RAB30: variants seen among roughly 807,000 people sequenced by gnomAD.
The protein encoded by RAB30 is RAB30, member RAS oncogene family, also known as ras-related protein Rab-30.
RAB30 carries 9 observed loss-of-function variants against 25.1 expected under a neutral mutation model. The observed-to-expected ratio is 0.36, with a 90% CI of 0.22 to 0.63. The LOEUF (loss-of-function observed/expected upper bound fraction) is 0.63. RAB30 is among the 20% of genes least tolerant of loss of function. The pLI is 0.69. For synonymous variants in RAB30, 77 were observed against 86.4 expected, an observed-to-expected ratio of 0.89 and a Z score of 0.60; for missense variants, 140 against 243.5, an observed-to-expected ratio of 0.58 and a Z score of 2.83.
In RAB30 at chr11:82,982,228, T is replaced by A. The variant is rs747598336; in HGVS notation, c.549A>T (p.Val183=). The change falls in exon 5 of 5, where the codon GTA becomes GTT. Residue 183 remains valine (V), a synonymous_variant. Coordinates refer to ENST00000527633, the MANE Select transcript of RAB30 (RefSeq NM_001286060.2). ...EARQNTLVNN[V]SSPLPGEGKS... ...TCCCTTCTCCAGGTAAGGGTGAGGA[T>A]ACATTGTTCACAAGTGTGTTCTGTC... 16 of 1,614,244 alleles carry A rather than the reference T, an allele frequency of 9.9e-6. No homozygotes were observed. Among genetic ancestry groups the A allele is most frequent in the Non-Finnish European group, 1.4e-5 (16 of 1,180,034 alleles).
intron 1 of RAB30, among the ~76,000 whole-genome samples, chr11:83,067,602 AG>A (rs1308262933): frequency 6.6e-6 from 1 of 152,164 alleles, no homozygotes; most frequent in African/African-American, 2.4e-5. Context: ...CGTCATCCCC[AG>A]TTGCTCAAGA....
chr11:83,041,619 T>C (rs755437038), intron 1 of RAB30: 1 of 155,278 alleles, frequency 6.4e-6, no homozygotes, highest in Non-Finnish European at 1.5e-5. Context: ...CTTACTGAGA[T>C]GTTGGTTACG....
chr11:83,062,216 G>A (rs1345358349), intron 1 of RAB30, among the ~76,000 whole-genome samples: 1 of 152,082 alleles, frequency 6.6e-6, no homozygotes, highest in Admixed American at 6.6e-5. Context: ...AACAAAACAA[G>A]TTTACTTAAC....
In RAB30 at chr11:82,980,032, G is replaced by A. The variant is rs1246033388; in HGVS notation, c.*2133C>T. The A allele has an allele frequency of 6.6e-5, 10 of 152,176 alleles. No individual in the cohort carries two copies. Among genetic ancestry groups the A allele is most frequent in the Admixed American group, 6.5e-4 (10 of 15,276 alleles). The allele number at this position is 152,176 out of a possible 1,614,324, so 9.4% of individuals were successfully genotyped here. The stretch of plus-strand genomic sequence containing the variant: ...ACACTTGCAACTGTGAGACAAAGTT[G>A]GGTCATCATGTGCTGGGGACACTGG... On this transcript the variant is annotated 3_prime_UTR_variant, in exon 5 of 5. Transcript: ENST00000527633.
chr11:83,033,554 C>T (rs1857923110), intron 1 of RAB30, among the ~76,000 whole-genome samples: 1 of 152,190 alleles, frequency 6.6e-6, no homozygotes, highest in Admixed American at 6.5e-5. Flanking sequence ...CACTTAATCC[C>T]TACAACCACA....
At chr11:83,014,684 AAGAAAGAAAG>A (rs1235227521) in intron 1 of RAB30, among the ~76,000 whole-genome samples, 32 of 141,096 alleles carry the variant, frequency 2.3e-4, no homozygotes, top group Admixed American at 5.6e-4. Context: ...GAAAGAAAGA[AAGAAAGAAAG>A]AGAAAGGAAG....
chr11:83,043,862 C>G (rs1858181475), intron 1 of RAB30, among the ~76,000 whole-genome samples: 2 of 152,138 alleles, frequency 1.3e-5, no homozygotes, highest in South Asian at 4.1e-4. Context: ...CATCTCCCAC[C>G]CCCTGACCCT....
intron 1 of RAB30, chr11:83,071,258 T>A (rs1858836892): frequency 6.6e-6 from 1 of 152,212 alleles, no homozygotes; most frequent in South Asian, 2.1e-4. Context: ...GACATTCAAA[T>A]GTTCTAAAGT....
At chr11:83,050,357 G>A (rs1183498036) in intron 1 of RAB30, among the ~76,000 whole-genome samples, 1 of 152,210 alleles carries the variant, frequency 6.6e-6, no homozygotes, top group East Asian at 1.9e-4. Context: ...TACCCACACT[G>A]TAAGAACCTT....
intron 1 of RAB30, among the ~76,000 whole-genome samples, chr11:83,052,701 T>C (rs756995762): frequency 2.6e-5 from 4 of 152,212 alleles, no homozygotes; most frequent in African/African-American, 4.8e-5. Context: ...CTTAATCTTA[T>C]AGTTCAAGGC....
At chr11:83,003,562 A>G (rs1857130192) in intron 1 of RAB30, among the ~76,000 whole-genome samples, 1 of 152,050 alleles carries the variant, frequency 6.6e-6, no homozygotes, top group African/African-American at 2.4e-5. Context: ...AGCTGGGATT[A>G]CAGGCATGCA....
chr11:83,011,553 A>G (rs1857304543), intron 1 of RAB30, among the ~76,000 whole-genome samples: 1 of 152,242 alleles, frequency 6.6e-6, no homozygotes, highest in Admixed American at 6.5e-5. Context: ...AGTACTGTGT[A>G]TTAAAGCTGG....
At chr11:83,052,496 T>C (rs1371273275) in intron 1 of RAB30, among the ~76,000 whole-genome samples, 1 of 152,224 alleles carries the variant, frequency 6.6e-6, no homozygotes, top group Non-Finnish European at 1.5e-5. Context: ...TGGAAGCTAG[T>C]TTTCCATGTT....
chr11:82,985,843 C>G (rs7940718), intron 4 of RAB30, among the ~76,000 whole-genome samples: 86,818 of 151,492 alleles, frequency 0.57, 25,446 homozygotes, highest in African/African-American at 0.72. Context: ...TCCTGAGTAG[C>G]TGGGACCACA....
intron 1 of RAB30, among the ~76,000 whole-genome samples, chr11:83,018,058 T>C (rs1857478434): frequency 6.6e-6 from 1 of 152,110 alleles, no homozygotes; most frequent in South Asian, 2.1e-4. Context: ...CCCAGAACTT[T>C]GGGAGGCCAA....
At chr11:83,034,039 C>T (rs1386494871) in intron 1 of RAB30, 1 of 152,272 alleles carries the variant, frequency 6.6e-6, no homozygotes, top group African/African-American at 2.4e-5. Flanking sequence ...TCTCTGCAAC[C>T]CATTCCCAGC....
chr11:83,015,171 A>G (rs1269537747), intron 1 of RAB30, among the ~76,000 whole-genome samples: 1 of 152,176 alleles, frequency 6.6e-6, no homozygotes, highest in Non-Finnish European at 1.5e-5. Flanking sequence ...ATTTTTTTCT[A>G]GTCTCTATAA....
chr11:83,050,387 CAT>C (rs1858331015), intron 1 of RAB30, among the ~76,000 whole-genome samples: 1 of 152,214 alleles, frequency 6.6e-6, no homozygotes, highest in South Asian at 2.1e-4. Context: ...TAAGAGCCAT[CAT>C]ATTCCTTCTT....
chr11:83,027,224 T>G (rs547701179), intron 1 of RAB30, among the ~76,000 whole-genome samples: 9 of 152,148 alleles, frequency 5.9e-5, no homozygotes, highest in Admixed American at 3.9e-4. Context: ...GATGGGTACA[T>G]GGGAATTCAC....
Sources: allele counts gnomAD v4.1 joint callset (sites outside exome capture counted in the v4.1 genomes callset), GRCh38; gene constraint gnomAD v4.1.1; transcripts MANE v1.5; gene names NCBI Gene and HGNC (gene_info 2026-07-23, HGNC 2026-07-21).